The following ADAM12 variants were observed in gnomAD, a reference collection of about 807,000 sequenced individuals.
ADAM12 encodes the protein disintegrin and metalloproteinase domain-containing protein 12.
In ADAM12, 70 loss-of-function variants were observed where a neutral mutation model predicts 106.4. The observed-to-expected ratio is 0.66, with a 90% CI of 0.54 to 0.80. The LOEUF (loss-of-function observed/expected upper bound fraction) is 0.80, where lower values mean the gene tolerates loss of function less well. ADAM12 is among the 30% of genes least tolerant of loss of function. The pLI, the probability that ADAM12 is intolerant of heterozygous loss-of-function variation, is 0.00. For missense variants in ADAM12, 1,010 were observed against 1,171.9 expected, an observed-to-expected ratio of 0.86 and a Z score of 2.02; for synonymous variants, 420 against 433.5, an observed-to-expected ratio of 0.97 and a Z score of 0.39.
At chr10:126,080,813 C>T (rs536944599) in intron 11 of ADAM12, among the ~76,000 whole-genome samples, 115 of 152,280 alleles carry the variant, frequency 7.6e-4, no homozygotes, top group Admixed American at 1.5e-3. Context: ...GCAGTCACAG[C>T]TTCATATTTT....
At chr10:126,181,591 C>T (rs537489982) in intron 3 of ADAM12, among the ~76,000 whole-genome samples, 15 of 152,262 alleles carry the variant, frequency 9.9e-5, no homozygotes, top group African/African-American at 2.4e-4. Flanking sequence ...ACATTAATTA[C>T]GAGCCTGCTA....
chr10:126,368,920 G>C (rs1856013218), intron 1 of ADAM12, among the ~76,000 whole-genome samples: 1 of 151,952 alleles, frequency 6.6e-6, no homozygotes, highest in African/African-American at 2.4e-5. Context: ...CATTTCTCAG[G>C]GAGATAAGAA....
intron 5 of ADAM12, among the ~76,000 whole-genome samples, chr10:126,129,274 TAG>T (rs1956262759): frequency 6.6e-6 from 1 of 152,172 alleles, no homozygotes; most frequent in Non-Finnish European, 1.5e-5. Context: ...CCAGAAAAAT[TAG>T]AGAGAGACAA....
intron 2 of ADAM12, among the ~76,000 whole-genome samples, chr10:126,306,018 C>T (rs748278141): frequency 6.6e-6 from 1 of 151,942 alleles, no homozygotes; most frequent in Non-Finnish European, 1.5e-5. Flanking sequence ...TCTTGTAAAT[C>T]ATATACAGGG....
intron 3 of ADAM12, among the ~76,000 whole-genome samples, chr10:126,168,699 T>C (rs535733888): frequency 6.6e-6 from 1 of 152,300 alleles, no homozygotes; most frequent in Non-Finnish European, 1.5e-5. Flanking sequence ...AAACGGATCA[T>C]GTCACTTCTC....
intron 3 of ADAM12, among the ~76,000 whole-genome samples, chr10:126,198,363 C>T (rs1957636664): frequency 1.3e-5 from 2 of 152,202 alleles, no homozygotes; most frequent in African/African-American, 4.8e-5. Flanking sequence ...ATTTACACAA[C>T]CAGGAGAGAG....
chr10:126,229,136 C>T (rs1291811218), intron 3 of ADAM12, among the ~76,000 whole-genome samples: 3 of 152,206 alleles, frequency 2.0e-5, no homozygotes, highest in Non-Finnish European at 4.4e-5. Flanking sequence ...TGTGCAGATG[C>T]CCTCAGAGCC....
In ADAM12 at chr10:126,261,128, T is replaced by C. The variant is rs1165793997; in HGVS notation, c.260+17787A>G. On this transcript the variant is annotated intron_variant, in intron 3 of 22. Transcript: ENST00000448723. ...TATACAGTAGGTTATATGCAAATAC[T>C]ATGCCATTTTATATTAGGGACATGA... Among the ~76,000 whole-genome samples, 5 of 152,228 alleles carry C rather than the reference T, an allele frequency of 3.3e-5. No individual in the cohort carries two copies. The East Asian group carries it at 9.6e-4, about 29-fold the overall frequency.
At chr10:126,326,130 T>A (rs1457519375) in intron 2 of ADAM12, among the ~76,000 whole-genome samples, 1 of 152,012 alleles carries the variant, frequency 6.6e-6, no homozygotes, top group African/African-American at 2.4e-5. Flanking sequence ...TGACCAGCAA[T>A]CTGGCATTGG....
intron 21 of ADAM12, among the ~76,000 whole-genome samples, chr10:126,029,500 A>G (rs2133387045): frequency 6.6e-6 from 1 of 152,298 alleles, no homozygotes; most frequent in Non-Finnish European, 1.5e-5. Flanking sequence ...AGAAAACCAA[A>G]TACCCCATGT....
intron 2 of ADAM12, among the ~76,000 whole-genome samples, chr10:126,297,858 G>A (rs937098808): frequency 6.6e-6 from 1 of 152,122 alleles, no homozygotes; most frequent in Non-Finnish European, 1.5e-5. Flanking sequence ...CAGCTATTAG[G>A]AGAGGCAGCT....
intron 3 of ADAM12, among the ~76,000 whole-genome samples, chr10:126,218,760 C>T (rs1434598093): frequency 1.3e-5 from 2 of 152,196 alleles, no homozygotes; most frequent in African/African-American, 4.8e-5. Flanking sequence ...ACAAACCCTC[C>T]AGAGGCAGAA....
At chr10:126,363,848 T>C (rs1209106293) in intron 1 of ADAM12, among the ~76,000 whole-genome samples, 2 of 152,186 alleles carry the variant, frequency 1.3e-5, no homozygotes, top group Non-Finnish European at 2.9e-5. Context: ...ACTGAGTTTG[T>C]ATAAACAGAG....
intron 3 of ADAM12, among the ~76,000 whole-genome samples, chr10:126,209,099 C>T (rs554711800): frequency 1.1e-4 from 17 of 152,278 alleles, no homozygotes; most frequent in African/African-American, 3.6e-4. Context: ...GAAAGAAGAA[C>T]GCTGTCAATT....
intron 14 of ADAM12, among the ~76,000 whole-genome samples, chr10:126,051,543 AT>A (rs1954493152): frequency 7.6e-5 from 4 of 52,860 alleles, no homozygotes; most frequent in South Asian, 2.1e-3. Context: ...CCACCCATCC[AT>A]CCATCCATCC....
intron 3 of ADAM12, among the ~76,000 whole-genome samples, chr10:126,221,285 G>A (rs1046407160): frequency 6.6e-6 from 1 of 151,866 alleles, no homozygotes; most frequent in African/African-American, 2.4e-5. Flanking sequence ...TTGGCAGTCT[G>A]AGGCAGCAGA....
chr10:126,118,102 T>C lies in ADAM12; in HGVS notation c.539A>G (p.His180Arg). The C allele has an allele frequency of 6.2e-7, 1 of 1,614,186 alleles. No homozygotes were observed. The highest frequency in any genetic ancestry group is 8.5e-7 in the Non-Finnish European group (1 of 1,180,016). Reference sequence around the variant, plus strand: ...CTTTGCAGCGAGGTTTGGTGTGTTGTGATGTGATCCACATGATCCCCGGAC... The same window carrying C: ...CTTTGCAGCGAGGTTTGGTGTGTTGCGATGTGATCCACATGATCCCCGGAC... The part of the protein sequence containing the change: ...KSVRGSCGSH[H>R]NTPNLAAKNV... Residue 180 changes from histidine to arginine, a missense_variant, in exon 6 of 23, where the codon CAC (histidine) becomes CGC (arginine). By Grantham distance (29) the His-to-Arg change is conservative (BLOSUM62 0). Transcript: ENST00000448723.
intron 6 of ADAM12, among the ~76,000 whole-genome samples, chr10:126,110,257 C>T (rs1042464480): frequency 6.6e-6 from 1 of 152,078 alleles, no homozygotes; most frequent in East Asian, 1.9e-4. Flanking sequence ...GAGAAGACGA[C>T]GGAGTTCAAT....
chr10:126,200,437 T>A (rs920257124), intron 3 of ADAM12, among the ~76,000 whole-genome samples: 3 of 152,178 alleles, frequency 2.0e-5, no homozygotes, highest in African/African-American at 7.2e-5. Flanking sequence ...CAGGAGCATT[T>A]GGAGGTTAAA....
Sources: gnomAD v4.1 joint callset for allele counts (sites outside exome capture counted in the v4.1 genomes callset) on GRCh38, gnomAD v4.1.1 for gene constraint, MANE v1.5 for transcripts, NCBI Gene and HGNC (gene_info 2026-07-23, HGNC 2026-07-21) for gene names.